The following CCDC28B variants were observed in gnomAD, a reference collection of about 807,000 sequenced individuals.
CCDC28B encodes the protein coiled-coil domain-containing protein 28B.
Under a neutral mutation model 18.7 loss-of-function variants are expected in CCDC28B, and 17 were observed. The ratio of observed to expected loss-of-function variants is 0.91; its 90% CI spans 0.62 to 1.36. CCDC28B has a LOEUF of 1.36. CCDC28B is among the 40% of genes most tolerant of loss of function. The probability of loss-of-function intolerance (pLI) is 0.00; values close to 1 mark genes in which losing one functional copy is unlikely to be tolerated. For missense variants in CCDC28B, 213 were observed against 251.7 expected (o/e 0.85, Z 1.04); for synonymous variants, 116 against 105.1 (o/e 1.10, Z -0.64).
chr1:32,201,380 A>G (rs1643144640), intron 1 of CCDC28B, among the ~76,000 whole-genome samples: 1 of 152,172 alleles, frequency 6.6e-6, no homozygotes, highest in African/African-American at 2.4e-5. Context: ...GAAACCCACA[A>G]TGAACCCTGC....
At chr1:32,204,943 C>T in intron 5 of CCDC28B, 1 of 1,399,496 alleles carries the variant, frequency 7.1e-7, no homozygotes, top group Non-Finnish European at 9.6e-7. Flanking sequence ...ACACTACCAC[C>T]TCACCTGGTC....
At chr1:32,204,834 T>A in intron 5 of CCDC28B, 1 of 1,555,722 alleles carries the variant, frequency 6.4e-7, no homozygotes, top group Non-Finnish European at 8.7e-7. Flanking sequence ...TTACTACTGA[T>A]CAAAATCTTT....
chr1:32,205,259 C>G lies in CCDC28B; in HGVS notation c.*11C>G. 6.2e-7 allele frequency: 1 copy of G among 1,608,332 alleles called. No individual in the cohort carries two copies. The highest frequency in any genetic ancestry group is 8.5e-7 in the Non-Finnish European group (1 of 1,176,392). ...CAGTCCGCTGCGTAGGCGTCCCACGCAGGCCCACACTGCCCCTCTCATTCT... is the reference window on the plus strand; with the variant it reads ...CAGTCCGCTGCGTAGGCGTCCCACGGAGGCCCACACTGCCCCTCTCATTCT... On this transcript the variant is annotated 3_prime_UTR_variant, in exon 6 of 6. Transcript: ENST00000373602. The surrounding 1 kb of genome is among the most constrained non-coding windows in gnomAD (Gnocchi z 5.6).
intron 5 of CCDC28B, 80 bp downstream of exon 5, chr1:32,204,700 TCA>T: frequency 6.2e-7 from 1 of 1,614,150 alleles, no homozygotes; most frequent in Non-Finnish European, 8.5e-7. Context: ...CCAGGAGTAT[TCA>T]CACACAACCA....
At chr1:32,201,792 G>A (rs1469480131) in intron 1 of CCDC28B, 121 bp from the exon 2 acceptor site, 37 of 797,620 alleles carry the variant, frequency 4.6e-5, no homozygotes, top group Non-Finnish European at 6.7e-5. Flanking sequence ...TGCCCCTACC[G>A]TATAGATGAG....
intron 4 of CCDC28B, 51 bp downstream of exon 4, chr1:32,204,430 A>G: frequency 6.5e-7 from 1 of 1,531,498 alleles, no homozygotes; most frequent in Non-Finnish European, 8.8e-7. Context: ...GGGGTGGAGA[A>G]GGTACATACT....
Position 32,204,032 on chromosome 1 carries a change from G to A in CCDC28B, c.318G>A (p.Arg106=), listed in dbSNP as rs1459183079. 2.6e-6 allele frequency: 4 copies of A among 1,553,938 alleles called. No homozygotes were observed. Among genetic ancestry groups the A allele is most frequent in the Non-Finnish European group, 3.5e-6 (4 of 1,150,526 alleles). ...LNLLNDFHSG[R]LQAFGKECSF... ...TGCTCAATGATTTCCACTCTGGCCG[G>A]CTGCAGGCCTTCGGTGAGTCCTGGG... The change falls in exon 3 of 6, where the codon CGG becomes CGA. Residue 106 remains arginine, a synonymous_variant. Coordinates refer to ENST00000373602, the MANE Select transcript of CCDC28B (RefSeq NM_024296.5).
At chr1:32,201,762 C>T in intron 1 of CCDC28B, 151 bp from the exon 2 acceptor site, 1 of 631,736 alleles carries the variant, frequency 1.6e-6, no homozygotes, top group Non-Finnish European at 2.7e-6. Flanking sequence ...ATCCCAGCAG[C>T]AGACACTGGC....
chr1:32,205,060 C>A lies in CCDC28B; in HGVS notation c.549-134C>A. The A allele has an allele frequency of 8.2e-7, 1 of 1,218,572 alleles. No individual in the cohort carries two copies. Among genetic ancestry groups the A allele is most frequent in the Non-Finnish European group, 1.1e-6 (1 of 879,820 alleles). 75.5% of individuals were successfully genotyped at this position (1,218,572 alleles called of 1,614,324 possible). On this transcript the variant is annotated intron_variant, in intron 5 of 5. Coordinates refer to ENST00000373602, the MANE Select transcript of CCDC28B (RefSeq NM_024296.5). The surrounding 1 kb of genome is among the most constrained non-coding windows in gnomAD (Gnocchi z 5.6). The stretch of plus-strand genomic sequence containing the variant: ...GAGAGAGGGCAGGCGGGGACTGCAA[C>A]CTCAGTCCACAGACGGCCCGAGACC...
chr1:32,204,873 G>A (rs1041432730), intron 5 of CCDC28B: 124 of 1,519,762 alleles, frequency 8.2e-5, no homozygotes, highest in Non-Finnish European at 1.1e-4. Flanking sequence ...ATCAATCATA[G>A]CAAAGCTTGT....
intron 2 of CCDC28B, 130 bp from the exon 3 acceptor site, chr1:32,203,749 A>G: frequency 1.6e-6 from 1 of 640,900 alleles, no homozygotes; most frequent in Non-Finnish European, 2.4e-6. Context: ...CATTTATGCT[A>G]GTAAGTAGAT....
intron 2 of CCDC28B, among the ~76,000 whole-genome samples, 187 bp from the exon 3 acceptor site, chr1:32,203,692 C>T (rs1295930938): frequency 2.0e-5 from 3 of 152,186 alleles, no homozygotes; most frequent in Non-Finnish European, 2.9e-5. Context: ...GACCTCTTCA[C>T]GCCTCCTCAC....
rs541645361 is a variant in CCDC28B at position 32,202,266 on chromosome 1, A to G, written c.164+167A>G. On this transcript the variant is annotated intron_variant, in intron 2 of 5. Transcript: ENST00000373602. The stretch of plus-strand genomic sequence containing the variant: ...CACTCAGACCCAGTCCCTACCCTCA[A>G]CTGTGTGGCAAAAAGGCCAGGTGGG... The G allele has an allele frequency of 6.3e-5, 57 of 906,168 alleles. No individual in the cohort carries two copies. In the South Asian group the frequency reaches 7.1e-4, roughly 11 times the overall value. The allele number at this position is 906,168 out of a possible 1,614,324, so 56.1% of individuals were successfully genotyped here.
chr1:32,205,144 G>A lies in CCDC28B; in HGVS notation c.549-50G>A. 6.2e-7 allele frequency: 1 copy of A among 1,606,574 alleles called. No homozygotes were observed. Among genetic ancestry groups the A allele is most frequent in the Non-Finnish European group, 8.5e-7 (1 of 1,174,934 alleles). ...TAAACCTGTGCAAGATGGGAGACCG[G>A]GGTGGGAGGAAGGACTGGTCCAAAG... On this transcript the variant is annotated intron_variant, in intron 5 of 5. Coordinates refer to ENST00000373602, the MANE Select transcript of CCDC28B (RefSeq NM_024296.5). This position sits in a 1 kb window ranked among gnomAD's most constrained non-coding sequence, Gnocchi z 5.6.
rs759737292 is a variant in CCDC28B at position 32,204,622 on chromosome 1, T to G, written c.548+2T>G. The G allele has an allele frequency of 3.8e-6, 6 of 1,595,868 alleles. No homozygotes were observed. Among genetic ancestry groups the G allele is most frequent in the Non-Finnish European group, 1.7e-6 (2 of 1,172,392 alleles). On this transcript the variant is annotated splice_donor_variant, in intron 5 of 5. Coordinates refer to ENST00000373602, the MANE Select transcript of CCDC28B (RefSeq NM_024296.5). LOFTEE classifies it high-confidence loss of function. ...GCTGGAAGACCTCAGTAATTCTATG[T>G]ATCCTTTCCAAGGAACCCGTCTATG...
chr1:32,196,630 C>A (rs912317730), upstream of CCDC28B: 3 of 152,142 alleles, frequency 2.0e-5, no homozygotes, highest in African/African-American at 7.2e-5. Context: ...AGGGTATTAG[C>A]CAGTGTTTGT....
At chr1:32,198,395 C>T (rs944462870), upstream of CCDC28B, 1 of 152,314 alleles carries the variant, frequency 6.6e-6, no homozygotes, top group African/African-American at 2.4e-5. Flanking sequence ...CATGGTGGTT[C>T]CCTGGTATCT....
chr1:32,202,295 C>T, intron 2 of CCDC28B, 196 bp downstream of exon 2: 1 of 731,224 alleles, frequency 1.4e-6, no homozygotes, highest in Non-Finnish European at 2.4e-6. Flanking sequence ...AGGTGGGTCA[C>T]TGGGATCACA....
rs1343048296 is a variant in CCDC28B, at chr1:32,205,163, T to C, written c.549-31T>C. Reference sequence around the variant, plus strand: ...AGACCGGGGTGGGAGGAAGGACTGGTCCAAAGCGCCACGATCCTTGACGGG... The same window carrying C: ...AGACCGGGGTGGGAGGAAGGACTGGCCCAAAGCGCCACGATCCTTGACGGG... On this transcript the variant is annotated intron_variant, in intron 5 of 5. Coordinates refer to ENST00000373602, the MANE Select transcript of CCDC28B (RefSeq NM_024296.5). This position sits in a 1 kb window ranked among gnomAD's most constrained non-coding sequence, Gnocchi z 5.6. 5 of 1,612,550 alleles carry C rather than the reference T, an allele frequency of 3.1e-6. No individual in the cohort carries two copies. The highest frequency in any genetic ancestry group is 4.2e-6 in the Non-Finnish European group (5 of 1,179,224).
Sources: gnomAD v4.1 joint callset for allele counts (sites outside exome capture counted in the v4.1 genomes callset) on GRCh38, gnomAD v4.1.1 for gene constraint, Gnocchi (gnomAD v3.1) non-coding constraint, MANE v1.5 for transcripts, NCBI Gene and HGNC (gene_info 2026-07-23, HGNC 2026-07-21) for gene names.